The following PDE7B variants were observed in gnomAD, a reference collection of about 807,000 sequenced individuals.
PDE7B encodes 3',5'-cyclic-AMP phosphodiesterase 7B.
PDE7B carries 29 observed loss-of-function variants against 56.2 expected under a neutral mutation model. The observed-to-expected ratio is 0.52, with a 90% confidence interval of 0.38 to 0.70. The LOEUF (loss-of-function observed/expected upper bound fraction) is 0.70, where lower values mean the gene tolerates loss of function less well. Ranked by LOEUF, PDE7B falls within the 30% of genes least tolerant of loss-of-function variation. The pLI is 0.00. For synonymous variants in PDE7B, 197 were observed against 196.9 expected (o/e 1.00, Z 0.00); for missense variants, 490 against 565.0 (o/e 0.87, Z 1.35).
At chr6:136,126,781 G>A (rs1489360461) in intron 3 of PDE7B, among the ~76,000 whole-genome samples, 2 of 152,144 alleles carry the variant, frequency 1.3e-5, no homozygotes, top group Non-Finnish European at 2.9e-5. Context: ...GAATGCCACA[G>A]TGGACTCTGG....
At chr6:136,004,457 T>C (rs1247903500) in intron 2 of PDE7B, among the ~76,000 whole-genome samples, 1 of 152,126 alleles carries the variant, frequency 6.6e-6, no homozygotes, top group Non-Finnish European at 1.5e-5. Context: ...GAAAACCCCA[T>C]TGTCTCAGCT....
At chr6:136,106,709 A>G (rs1473130393) in intron 2 of PDE7B, among the ~76,000 whole-genome samples, 4 of 152,192 alleles carry the variant, frequency 2.6e-5, no homozygotes, top group Non-Finnish European at 5.9e-5. Context: ...CAATGAGAAA[A>G]AACAAGAAGA....
At chr6:136,147,775 CAT>C (rs1239887789) in intron 4 of PDE7B, among the ~76,000 whole-genome samples, 1 of 152,200 alleles carries the variant, frequency 6.6e-6, no homozygotes, top group African/African-American at 2.4e-5. Context: ...AGGTACAAAA[CAT>C]ATTTGCACGA....
intron 3 of PDE7B, among the ~76,000 whole-genome samples, chr6:136,133,323 G>A (rs184119829): frequency 6.6e-6 from 1 of 150,418 alleles, no homozygotes; most frequent in East Asian, 1.9e-4. Context: ...AGAGATCAAA[G>A]TTTCTATCTA....
At position 136,153,897 on chromosome 6, in the gene PDE7B, T is replaced by TA. The variant is rs985515251; in HGVS notation, c.479-173dup. Among the ~76,000 whole-genome samples the TA allele has an allele frequency of 1.8e-3, 274 of 152,282 alleles. 1 individual carries two copies. Among genetic ancestry groups the TA allele is most frequent in the African/African-American group, 6.5e-3 (269 of 41,550 alleles). On this transcript the variant is annotated intron_variant, in intron 6 of 12. Transcript: ENST00000308191. Reference sequence around the variant, plus strand: ...TCTGCTGTCCATCTCTGCTCTCTGCTAAAAACAGCCTAGCAGAACTGCCAA... The same window carrying TA: ...TCTGCTGTCCATCTCTGCTCTCTGCTAAAAAACAGCCTAGCAGAACTGCCAA...
rs956911577 is a variant in PDE7B at position 136,192,012 on chromosome 6, C to A, written c.*172C>A. ...GCCTCCCCTCCTTTTCGCAAATGTA[C>A]AGAAGCCATTTGTCACCTCAGCATT... On this transcript the variant is annotated 3_prime_UTR_variant, in exon 13 of 13. Transcript: ENST00000308191. 5 of 610,086 alleles carry A rather than the reference C, an allele frequency of 8.2e-6. No individual in the cohort carries two copies. The African/African-American group carries it at 9.3e-5, about 11-fold the overall frequency. The allele number at this position is 610,086 out of a possible 1,614,324, so 37.8% of individuals were successfully genotyped here. A position where few individuals can be genotyped will look rare whatever the true frequency, so the allele number is the denominator to read the frequency against.
At chr6:135,926,156 G>T (rs570036023) in intron 1 of PDE7B, among the ~76,000 whole-genome samples, 6 of 144,936 alleles carry the variant, frequency 4.1e-5, no homozygotes, top group South Asian at 4.5e-4. Context: ...GCGCAATCTC[G>T]GCTCACTGCA....
intron 2 of PDE7B, among the ~76,000 whole-genome samples, chr6:136,093,362 C>T (rs1429453461): frequency 1.3e-5 from 2 of 152,208 alleles, no homozygotes; most frequent in Non-Finnish European, 2.9e-5. Flanking sequence ...ATAGTCCTTT[C>T]CAAATTTCAA....
chr6:136,042,797 G>T (rs1023647863), intron 2 of PDE7B, among the ~76,000 whole-genome samples: 1 of 152,114 alleles, frequency 6.6e-6, no homozygotes, highest in Non-Finnish European at 1.5e-5. Flanking sequence ...TGAACATTTC[G>T]ATCATTATAA....
In PDE7B at chr6:136,151,274, A is replaced by C. The variant is rs369880209; in HGVS notation, c.478+19A>C. Reference sequence around the variant, plus strand: ...TTTTTAGGTAAGTCCTTTTTTTCACATTTCTAGCCCCATTCTCTTGAATAA... The same window carrying C: ...TTTTTAGGTAAGTCCTTTTTTTCACCTTTCTAGCCCCATTCTCTTGAATAA... On this transcript the variant is annotated intron_variant, in intron 6 of 12. Transcript: ENST00000308191. 3.6e-5 allele frequency: 46 copies of C among 1,263,454 alleles called. No individual in the cohort carries two copies. The highest frequency in any genetic ancestry group is 3.7e-4 in the Middle Eastern group (2 of 5,418). 78.3% of individuals were successfully genotyped at this position (1,263,454 alleles called of 1,614,324 possible).
chr6:136,091,789 T>C (rs2128216166), intron 2 of PDE7B, among the ~76,000 whole-genome samples: 1 of 152,304 alleles, frequency 6.6e-6, no homozygotes, highest in East Asian at 1.9e-4. Context: ...CAGGCAGGCC[T>C]GGGACAGCCA....
At chr6:135,871,504 T>C (rs1363767053) in intron 1 of PDE7B, among the ~76,000 whole-genome samples, 2 of 152,098 alleles carry the variant, frequency 1.3e-5, no homozygotes, top group African/African-American at 4.8e-5. Flanking sequence ...GGACAGAGAG[T>C]TGCCTATTGG....
chr6:135,926,179 T>G (rs569974919), intron 1 of PDE7B, among the ~76,000 whole-genome samples: 2 of 145,996 alleles, frequency 1.4e-5, no homozygotes, highest in Non-Finnish European at 3.0e-5. Context: ...CTCCGCCTCC[T>G]GGGTTCACGC....
At position 136,173,831 on chromosome 6, in the gene PDE7B, C is replaced by T. The variant is rs927216177; in HGVS notation, c.746C>T (p.Ser249Phe). The T allele has an allele frequency of 3.7e-6, 6 of 1,612,382 alleles. No homozygotes were observed. Among genetic ancestry groups the T allele is most frequent in the Non-Finnish European group, 4.2e-6 (5 of 1,178,730 alleles). The part of the protein sequence containing the change: ...MSVLENHHWR[S>F]TIGMLRESRL... ...GTGCTGGAGAATCATCACTGGCGAT[C>T]TACAATTGGCATGCTTCGAGAATCA... Residue 249 changes from serine to phenylalanine, a missense_variant, in exon 9 of 13, where the codon TCT (serine) becomes TTT (phenylalanine). Transcript: ENST00000308191.
chr6:136,116,814 T>C (rs1377712388), intron 3 of PDE7B, among the ~76,000 whole-genome samples: 6 of 152,248 alleles, frequency 3.9e-5, no homozygotes, highest in African/African-American at 1.4e-4. Flanking sequence ...ACAGGCGTCA[T>C]GAAGTCAACC....
At chr6:136,108,125 C>CAAAA (rs60727586) in intron 2 of PDE7B, among the ~76,000 whole-genome samples, 2,514 of 108,518 alleles carry the variant, frequency 0.023, 119 homozygotes, top group African/African-American at 0.09. Context: ...GACTCCATGT[C>CAAAA]AAAAAAAAAA....
chr6:136,039,222 C>T (rs775969308), intron 2 of PDE7B, among the ~76,000 whole-genome samples: 4 of 152,046 alleles, frequency 2.6e-5, no homozygotes, highest in Non-Finnish European at 4.4e-5. Context: ...ACAGTGGATA[C>T]AACCACCACC....
intron 2 of PDE7B, among the ~76,000 whole-genome samples, chr6:136,082,086 C>T (rs1017172971): frequency 3.9e-5 from 6 of 152,182 alleles, no homozygotes; most frequent in Non-Finnish European, 5.9e-5. Flanking sequence ...TTATTTACGG[C>T]TTTGAGCGAG....
chr6:135,892,056 T>C (rs1775818243), intron 1 of PDE7B, among the ~76,000 whole-genome samples: 1 of 152,208 alleles, frequency 6.6e-6, no homozygotes, highest in African/African-American at 2.4e-5. Flanking sequence ...TCCTCTTTTC[T>C]GATATTATTG....
Sources: allele counts gnomAD v4.1 joint callset (sites outside exome capture counted in the v4.1 genomes callset), GRCh38; gene constraint gnomAD v4.1.1; transcripts MANE v1.5; gene names NCBI Gene and HGNC (gene_info 2026-07-23, HGNC 2026-07-21).